The following ACO2 variants were observed in gnomAD, a reference collection of about 807,000 sequenced individuals.
ACO2 encodes aconitase 2.
A neutral mutation model predicts 84.5 loss-of-function variants in ACO2; 31 were observed. The ratio of observed to expected loss-of-function variants is 0.37; its 90% CI spans 0.28 to 0.50. The LOEUF is 0.50. ACO2 is among the 20% of genes least tolerant of loss of function. The pLI is 0.97. For missense variants in ACO2, 685 were observed against 1,029.3 expected (o/e 0.67, Z 4.58); for synonymous variants, 414 against 412.7 (o/e 1.00, Z -0.04).
At chr22:41,526,518 A>G in intron 15 of ACO2, 65 bp downstream of exon 15, 2 of 1,541,436 alleles carry the variant, frequency 1.3e-6, no homozygotes, top group Non-Finnish European at 1.8e-6. Flanking sequence ...AGGCAGGTGC[A>G]GGGAGGACAT....
chr22:41,501,455 C>T (rs1360901654), intron 2 of ACO2, among the ~76,000 whole-genome samples: 1 of 152,176 alleles, frequency 6.6e-6, no homozygotes, highest in African/African-American at 2.4e-5. Context: ...GATGAGGAGT[C>T]GGGGCTGGCA....
Position 41,523,902 on chromosome 22 carries a change from C to T in ACO2, c.1443C>T (p.Asp481=), listed in dbSNP as rs576516374. The T allele has an allele frequency of 1.2e-5, 20 of 1,612,794 alleles. No individual in the cohort carries two copies. The highest frequency in any genetic ancestry group is 3.3e-5 in the South Asian group (3 of 90,996). ...SYNRNFTGRN[D]ANPETHAFVT... is the part of the protein sequence containing the mutation. ...ACAGGAACTTCACGGGCCGCAACGA[C>T]GCAAACCCCGAGACCCATGCCTTTG... The change falls in exon 12 of 18, where the codon GAC becomes GAT. Residue 481 remains aspartate (D), a synonymous_variant. Transcript: ENST00000216254.
At chr22:41,470,776 CAAGT>C (rs961474070) in intron 1 of ACO2, among the ~76,000 whole-genome samples, 11 of 152,082 alleles carry the variant, frequency 7.2e-5, no homozygotes, top group African/African-American at 2.7e-4. Context: ...CTCCTGACCT[CAAGT>C]AATCGGCCTG....
chr22:41,509,840 CAG>C lies in ACO2; in HGVS notation c.432+1794_432+1795del, dbSNP rs778819523. ...CTTTTTTTTTTTTTTTTTTTTGAGA[CAG>C]AGTCTTGCTCTATCCCCCAGGCTGG... On this transcript the variant is annotated intron_variant, in intron 3 of 17. Transcript: ENST00000216254. Among the ~76,000 whole-genome samples the C allele has an allele frequency of 3.2e-3, 325 of 102,390 alleles. 2 individuals carry two copies. Among genetic ancestry groups the C allele is most frequent in the Middle Eastern group, 9.3e-3 (1 of 108 alleles). The allele number at this position is 102,390 out of a possible 152,430, so 67.2% of individuals were successfully genotyped here.
intron 2 of ACO2, among the ~76,000 whole-genome samples, chr22:41,505,512 C>G (rs191385523): frequency 1.2e-4 from 18 of 151,924 alleles, no homozygotes; most frequent in Admixed American, 7.2e-4. Flanking sequence ...GTGGAGAGAC[C>G]GGGTAGATTA....
chr22:41,507,102 A>G (rs1164685208), intron 2 of ACO2, among the ~76,000 whole-genome samples: 2 of 151,934 alleles, frequency 1.3e-5, no homozygotes, highest in South Asian at 2.1e-4. Context: ...CTCCGGGGAA[A>G]TGGGGTCTAG....
rs1445449059 is a variant in ACO2, at chr22:41,473,044, G to A, written c.36+3862G>A. ...AATTGTGAAACAGATGATTCTGGTT[G>A]TATGGTCACTGTGATAACCTTCGCA... On this transcript the variant is annotated intron_variant, in intron 1 of 17. Transcript: ENST00000216254. Among the ~76,000 whole-genome samples the A allele has an allele frequency of 2.6e-5, 4 of 152,226 alleles. 1 individual carries two copies. The highest frequency in any genetic ancestry group is 1.3e-4 in the Admixed American group (2 of 15,278).
chr22:41,480,560 C>T (rs1339722022), intron 1 of ACO2, among the ~76,000 whole-genome samples: 1 of 152,118 alleles, frequency 6.6e-6, no homozygotes, highest in Non-Finnish European at 1.5e-5. Flanking sequence ...ACAGGCAGGC[C>T]ACGTTTTAGT....
chr22:41,502,275 A>T (rs1458293756), intron 2 of ACO2, among the ~76,000 whole-genome samples: 4 of 152,138 alleles, frequency 2.6e-5, no homozygotes, highest in African/African-American at 9.7e-5. Flanking sequence ...GGCCAGCAGC[A>T]TTGGCATCAC....
At chr22:41,489,000 C>A (rs2066253022) in intron 1 of ACO2, among the ~76,000 whole-genome samples, 1 of 151,964 alleles carries the variant, frequency 6.6e-6, no homozygotes, top group South Asian at 2.1e-4. Context: ...CAAAACCTTC[C>A]AGGTGATTTT....
At chr22:41,505,297 A>G (rs1160667616) in intron 2 of ACO2, among the ~76,000 whole-genome samples, 1 of 152,094 alleles carries the variant, frequency 6.6e-6, no homozygotes, top group African/African-American at 2.4e-5. Context: ...GCGTGCCTAT[A>G]ATCCCAGTTA....
At chr22:41,486,121 CTTCT>C (rs1002636148) in intron 1 of ACO2, among the ~76,000 whole-genome samples, 4 of 152,014 alleles carry the variant, frequency 2.6e-5, no homozygotes, top group African/African-American at 9.7e-5. Flanking sequence ...TGTGTGTGTC[CTTCT>C]TTCAAAGGTT....
chr22:41,515,292 G>A lies in ACO2; in HGVS notation c.526-85G>A. 1 of 1,521,108 alleles carries A rather than the reference G, an allele frequency of 6.6e-7. No homozygotes were observed. The highest frequency in any genetic ancestry group is 1.1e-5 in the South Asian group (1 of 88,352). 94.2% of individuals were successfully genotyped at this position (1,521,108 alleles called of 1,614,324 possible). A position where few individuals can be genotyped will look rare whatever the true frequency, so the allele number is the denominator to read the frequency against. On this transcript the variant is annotated intron_variant, in intron 4 of 17. Transcript: ENST00000216254. This position sits in a 1 kb window ranked among gnomAD's most constrained non-coding sequence, Gnocchi z 5.8. ...CATCCTGGGAGAGTGGCTGGACGTG[G>A]TTGGGAGGCCCCGGGTCAGTGGGGC... is the stretch of plus-strand genomic sequence containing the variant.
intron 1 of ACO2, among the ~76,000 whole-genome samples, chr22:41,484,550 T>C (rs2038128545): frequency 6.6e-6 from 1 of 152,194 alleles, no homozygotes; most frequent in African/African-American, 2.4e-5. Context: ...TGGTAATTTT[T>C]TTTTTAAATA....
intron 2 of ACO2, among the ~76,000 whole-genome samples, chr22:41,502,909 C>CT (rs112780999): frequency 0.013 from 1,834 of 146,528 alleles, 40 homozygotes; most frequent in African/African-American, 0.042. Flanking sequence ...TGCGCCTGGC[C>CT]TTTTTTTTTT....
At chr22:41,524,000 A>T (rs2066551744) in intron 12 of ACO2, 59 bp downstream of exon 12, 3 of 1,486,924 alleles carry the variant, frequency 2.0e-6, no homozygotes, top group Non-Finnish European at 2.8e-6. Context: ...CTGGCGGGTC[A>T]GAGGAGGAGG....
At chr22:41,496,424 A>T (rs1276001918) in intron 1 of ACO2, among the ~76,000 whole-genome samples, 2 of 152,158 alleles carry the variant, frequency 1.3e-5, no homozygotes, top group African/African-American at 4.8e-5. Flanking sequence ...GCACAGGGTA[A>T]TAATCATGGA....
At chr22:41,526,620 A>C in intron 15 of ACO2, 167 bp downstream of exon 15, 1 of 663,954 alleles carries the variant, frequency 1.5e-6, no homozygotes, top group Non-Finnish European at 2.4e-6. Context: ...CCTGTGGCTG[A>C]GAAGGCATGA....
intron 15 of ACO2, 144 bp downstream of exon 15, chr22:41,526,597 C>A: frequency 1.2e-6 from 1 of 849,068 alleles, no homozygotes; most frequent in Non-Finnish European, 1.7e-6. Context: ...GGAGGAGAGG[C>A]CTGCAGCCCC....
Sources: gnomAD v4.1 joint callset for allele counts (sites outside exome capture counted in the v4.1 genomes callset) on GRCh38, gnomAD v4.1.1 for gene constraint, Gnocchi (gnomAD v3.1) non-coding constraint, MANE v1.5 for transcripts, NCBI Gene and HGNC (gene_info 2026-07-23, HGNC 2026-07-21) for gene names.